DNM3: variants seen among roughly 807,000 people sequenced by gnomAD.
DNM3 encodes the protein dynamin-3.
In DNM3, 47 loss-of-function variants were observed where a neutral mutation model predicts 101.6. The ratio of observed to expected loss-of-function variants is 0.46; its 90% CI spans 0.37 to 0.59. DNM3 has a LOEUF of 0.59. Ranked by LOEUF, DNM3 falls within the 20% of genes least tolerant of loss-of-function variation. DNM3 has a pLI of 0.00. For synonymous variants in DNM3, 385 were observed against 387.9 expected, an observed-to-expected ratio of 0.99 and a Z score of 0.09; for missense variants, 849 against 1,085.7, an observed-to-expected ratio of 0.78 and a Z score of 3.06.
rs555492849 is a variant in DNM3, at chr1:172,041,571, C to G, written c.993-438C>G. Among the ~76,000 whole-genome samples, 433 of 152,208 alleles carry G rather than the reference C, an allele frequency of 2.8e-3. 3 individuals are homozygous for G. The highest frequency in any genetic ancestry group is 9.8e-3 in the African/African-American group (408 of 41,542). On this transcript the variant is annotated intron_variant, in intron 7 of 20. Transcript: ENST00000627582. ...CTTGAAGCTATGGCAACCTTGAGAT[C>G]ACCTAGGGATGAATGTGAGGAGAGA...
At chr1:172,407,566 T>G (rs2070985565) in intron 20 of DNM3, among the ~76,000 whole-genome samples, 1 of 151,942 alleles carries the variant, frequency 6.6e-6, no homozygotes. Flanking sequence ...TTGAGAAAGA[T>G]TTGCATATGA....
intron 20 of DNM3, among the ~76,000 whole-genome samples, chr1:172,418,002 T>C (rs1267242068): frequency 1.3e-5 from 2 of 152,212 alleles, no homozygotes; most frequent in Non-Finnish European, 2.9e-5. Flanking sequence ...CATTCCATGG[T>C]GCAAAATAAG....
intron 14 of DNM3, among the ~76,000 whole-genome samples, chr1:172,214,645 A>G (rs1006451454): frequency 6.6e-6 from 1 of 152,096 alleles, no homozygotes; most frequent in African/African-American, 2.4e-5. Flanking sequence ...ATTATTATAT[A>G]CTATAGTTAA....
At chr1:171,969,362 A>G (rs2043822574) in intron 2 of DNM3, among the ~76,000 whole-genome samples, 1 of 152,184 alleles carries the variant, frequency 6.6e-6, no homozygotes, top group Non-Finnish European at 1.5e-5. Flanking sequence ...GAGCACAAAG[A>G]ACAATGATAA....
chr1:171,925,818 C>A (rs1460420648), intron 2 of DNM3, among the ~76,000 whole-genome samples: 3 of 152,004 alleles, frequency 2.0e-5, no homozygotes, highest in Admixed American at 2.0e-4. Context: ...AGGTTTTCTT[C>A]TAGAATTTTT....
intron 2 of DNM3, among the ~76,000 whole-genome samples, chr1:171,970,916 T>C (rs1378579038): frequency 2.0e-5 from 3 of 152,112 alleles, no homozygotes; most frequent in Non-Finnish European, 4.4e-5. Flanking sequence ...GTTATAACAA[T>C]CCAGTGGTGT....
chr1:171,864,892 C>G (rs1193971687), intron 1 of DNM3, among the ~76,000 whole-genome samples: 1 of 151,114 alleles, frequency 6.6e-6, no homozygotes, highest in Non-Finnish European at 1.5e-5. Context: ...GCTTGGAGTT[C>G]CAAATTTAGA....
chr1:172,210,490 G>C (rs1164017330), intron 14 of DNM3, among the ~76,000 whole-genome samples: 2 of 151,886 alleles, frequency 1.3e-5, no homozygotes, highest in East Asian at 3.9e-4. Context: ...CTAACACCAG[G>C]AGCTGTATGG....
chr1:172,151,124 A>G (rs1311692272), intron 14 of DNM3, among the ~76,000 whole-genome samples: 1 of 152,196 alleles, frequency 6.6e-6, no homozygotes. Context: ...AAACTAGATC[A>G]TCTCTATGTG....
chr1:172,095,578 G>A (rs1017581067), intron 13 of DNM3, among the ~76,000 whole-genome samples: 1 of 152,124 alleles, frequency 6.6e-6, no homozygotes, highest in Non-Finnish European at 1.5e-5. Flanking sequence ...CCTATTAAGA[G>A]GCTCAAATCC....
At chr1:171,870,614 A>T (rs905152909) in intron 1 of DNM3, among the ~76,000 whole-genome samples, 2 of 152,212 alleles carry the variant, frequency 1.3e-5, no homozygotes, top group African/African-American at 4.8e-5. Context: ...AATGCTTATT[A>T]TGTGCCTATC....
Position 172,005,813 on chromosome 1 carries a change from G to T in DNM3, c.589+16665G>T, listed in dbSNP as rs140059930. On this transcript the variant is annotated intron_variant, in intron 4 of 20. Transcript: ENST00000627582. ...CTTAATGGAAACTTTTGCTGTAGTA[G>T]AAATTCCTGATCATGGAGGACAGAT... Among the ~76,000 whole-genome samples, 4 of 152,180 alleles carry T rather than the reference G, an allele frequency of 2.6e-5. No individual in the cohort carries two copies. The East Asian group carries it at 7.8e-4, about 29-fold the overall frequency.
At chr1:172,376,269 A>G (rs2068596306) in intron 17 of DNM3, 1 of 152,126 alleles carries the variant, frequency 6.6e-6, no homozygotes, top group South Asian at 2.1e-4. Context: ...TTTAAACAGC[A>G]TCATTGAACC....
chr1:172,055,646 C>A (rs1424516532), intron 10 of DNM3, among the ~76,000 whole-genome samples: 1 of 152,074 alleles, frequency 6.6e-6, no homozygotes, highest in East Asian at 1.9e-4. Context: ...TGGTTTTCAA[C>A]AATGATTATT....
chr1:172,037,431 TA>T (rs1437523505), intron 6 of DNM3, among the ~76,000 whole-genome samples: 1 of 152,204 alleles, frequency 6.6e-6, no homozygotes, highest in Non-Finnish European at 1.5e-5. Context: ...AAATTCTCCT[TA>T]ATTTTAATAT....
At chr1:171,857,831 G>A (rs935610497) in intron 1 of DNM3, among the ~76,000 whole-genome samples, 7 of 152,058 alleles carry the variant, frequency 4.6e-5, no homozygotes, top group Admixed American at 4.6e-4. Context: ...CCAATTAGGA[G>A]GTAATTAAGA....
intron 14 of DNM3, among the ~76,000 whole-genome samples, chr1:172,216,757 A>G (rs556622430): frequency 7.1e-6 from 1 of 139,984 alleles, no homozygotes; most frequent in South Asian, 2.1e-4. Context: ...ACACACATGC[A>G]CACACACACA....
chr1:172,215,516 A>G (rs1243053926), intron 14 of DNM3, among the ~76,000 whole-genome samples: 1 of 152,102 alleles, frequency 6.6e-6, no homozygotes, highest in East Asian at 1.9e-4. Flanking sequence ...GTTTTAAATT[A>G]AGGAGCAATC....
intron 2 of DNM3, among the ~76,000 whole-genome samples, chr1:171,954,370 C>A (rs1390071874): frequency 6.6e-6 from 1 of 152,146 alleles, no homozygotes; most frequent in African/African-American, 2.4e-5. Flanking sequence ...TACTATCTAA[C>A]CTCGTCCAAA....
Sources: allele counts gnomAD v4.1 joint callset (sites outside exome capture counted in the v4.1 genomes callset), GRCh38; gene constraint gnomAD v4.1.1; transcripts MANE v1.5; gene names NCBI Gene and HGNC (gene_info 2026-07-23, HGNC 2026-07-21).